Variants in ARNT2 observed in about 807,000 individuals in gnomAD.
ARNT2 encodes ARNT protein 2.
ARNT2 carries 36 observed loss-of-function variants against 91.7 expected under a neutral mutation model. The observed-to-expected ratio is 0.39, with a 90% CI of 0.30 to 0.52. The LOEUF is 0.52. ARNT2 is among the 20% of genes least tolerant of loss of function. The pLI, the probability that ARNT2 is intolerant of heterozygous loss-of-function variation, is 0.72. For synonymous variants in ARNT2, 365 were observed against 347.1 expected (o/e 1.05, Z -0.57); for missense variants, 775 against 939.3 (o/e 0.83, Z 2.29).
chr15:80,505,055 C>T (rs754611915), intron 5 of ARNT2, among the ~76,000 whole-genome samples: 37 of 152,160 alleles, frequency 2.4e-4, no homozygotes, highest in African/African-American at 5.3e-4. Flanking sequence ...AGGAGTGTGA[C>T]GCGATCATTT....
rs1457765420 is a variant in ARNT2, at chr15:80,515,153, A to C, written c.877+748A>C. Among the ~76,000 whole-genome samples the C allele has an allele frequency of 2.6e-5, 4 of 152,358 alleles. No individual in the cohort carries two copies. The East Asian group carries it at 7.7e-4, about 29-fold the overall frequency. ...TGTGGAGCAACTGGAATCCTCATAC[A>C]TTGCTGGTGGGAATATAAAATAGCA... On this transcript the variant is annotated intron_variant, in intron 8 of 18. Transcript: ENST00000303329.
chr15:80,477,683 T>A (rs1896827322), intron 5 of ARNT2, among the ~76,000 whole-genome samples: 1 of 152,188 alleles, frequency 6.6e-6, no homozygotes, highest in Admixed American at 6.5e-5. Flanking sequence ...GTCACTAAAT[T>A]AGGGCTCACC....
chr15:80,588,881 C>G (rs574873562), intron 17 of ARNT2, among the ~76,000 whole-genome samples: 1 of 152,170 alleles, frequency 6.6e-6, no homozygotes, highest in African/African-American at 2.4e-5. Flanking sequence ...CCTGTTTGCT[C>G]CCTTTCCCAA....
Position 80,580,564 on chromosome 15 carries a change from G to A in ARNT2, c.1752+15G>A. 1 of 1,613,564 alleles carries A rather than the reference G, an allele frequency of 6.2e-7. No homozygotes were observed. Among genetic ancestry groups the A allele is most frequent in the Non-Finnish European group, 8.5e-7 (1 of 1,180,006 alleles). On this transcript the variant is annotated intron_variant, in intron 16 of 18. Coordinates refer to ENST00000303329, the MANE Select transcript of ARNT2 (RefSeq NM_014862.4). ...TTCCGGGACAGGTATGGGCATCTGT[G>A]AGGGCATCTCCCCTGGGTGACCAGA...
At chr15:80,546,612 C>A (rs1378497445) in intron 8 of ARNT2, among the ~76,000 whole-genome samples, 1 of 152,168 alleles carries the variant, frequency 6.6e-6, no homozygotes, top group African/African-American at 2.4e-5. Context: ...AGATCTGGAA[C>A]TGCAAAGGAA....
At chr15:80,557,432 G>C (rs1898212318) in intron 11 of ARNT2, among the ~76,000 whole-genome samples, 1 of 152,156 alleles carries the variant, frequency 6.6e-6, no homozygotes, top group Non-Finnish European at 1.5e-5. Context: ...CACTGGGGTA[G>C]TAGCCCACTG....
intron 5 of ARNT2, among the ~76,000 whole-genome samples, chr15:80,507,569 C>T (rs771346573): frequency 5.9e-5 from 9 of 151,568 alleles, no homozygotes; most frequent in South Asian, 4.2e-4. Context: ...AGATATAGTA[C>T]GGTCATTGGC....
At chr15:80,469,846 T>A (rs1186567286) in intron 3 of ARNT2, among the ~76,000 whole-genome samples, 1 of 152,206 alleles carries the variant, frequency 6.6e-6, no homozygotes, top group Admixed American at 6.5e-5. Context: ...AACTTCTGGC[T>A]TTAAGTAATC....
intron 5 of ARNT2, among the ~76,000 whole-genome samples, chr15:80,490,076 G>A (rs141163990): frequency 3.3e-4 from 50 of 151,996 alleles, no homozygotes; most frequent in African/African-American, 4.4e-4. Context: ...TCAGGGATTC[G>A]TGCACACACT....
chr15:80,568,526 C>T (rs528718158), intron 12 of ARNT2, among the ~76,000 whole-genome samples: 6 of 152,190 alleles, frequency 3.9e-5, no homozygotes, highest in Admixed American at 6.5e-5. Context: ...CATCACGTCT[C>T]CTTCGTCATG....
intron 1 of ARNT2, among the ~76,000 whole-genome samples, chr15:80,431,483 A>G (rs1896009241): frequency 6.6e-6 from 1 of 152,124 alleles, no homozygotes. Context: ...GGTCCTGAAG[A>G]GGGCACAGAG....
chr15:80,519,020 T>C (rs569679123), intron 8 of ARNT2, among the ~76,000 whole-genome samples: 1 of 152,170 alleles, frequency 6.6e-6, no homozygotes, highest in Non-Finnish European at 1.5e-5. Context: ...TTTTGTACAT[T>C]TTAAAACACA....
At chr15:80,447,733 C>T (rs1896326838) in intron 1 of ARNT2, among the ~76,000 whole-genome samples, 1 of 152,160 alleles carries the variant, frequency 6.6e-6, no homozygotes, top group Non-Finnish European at 1.5e-5. Context: ...AGGAGAGAGA[C>T]TTGTTTTTTC....
chr15:80,556,030 A>C (rs1208173305), intron 11 of ARNT2: 1 of 151,708 alleles, frequency 6.6e-6, no homozygotes, highest in African/African-American at 2.4e-5. Context: ...TCACGCCTGT[A>C]ATCCCAGCAC....
intron 1 of ARNT2, chr15:80,445,093 G>A (rs1248671431): frequency 6.7e-6 from 1 of 149,618 alleles, no homozygotes; most frequent in Admixed American, 6.7e-5. Context: ...GTGTGTGAGT[G>A]TTGTGTATGT....
chr15:80,575,887 C>G (rs923523283), intron 14 of ARNT2, among the ~76,000 whole-genome samples: 1 of 152,220 alleles, frequency 6.6e-6, no homozygotes, highest in African/African-American at 2.4e-5. Flanking sequence ...CTTGAGCCCT[C>G]CCTCGCCGGC....
chr15:80,552,591 A>G, intron 9 of ARNT2, 49 bp from the exon 10 acceptor site: 2 of 1,596,430 alleles, frequency 1.3e-6, no homozygotes, highest in Admixed American at 3.4e-5. Flanking sequence ...CACCATCTCC[A>G]TCTCGTCTCT....
chr15:80,474,497 G>A (rs1184378019), intron 4 of ARNT2, among the ~76,000 whole-genome samples: 4 of 152,224 alleles, frequency 2.6e-5, no homozygotes, highest in African/African-American at 9.6e-5. Context: ...AATATGGAAA[G>A]AGAAAAGGAA....
intron 5 of ARNT2, among the ~76,000 whole-genome samples, chr15:80,492,826 T>A (rs1897076118): frequency 6.6e-6 from 1 of 152,226 alleles, no homozygotes; most frequent in Non-Finnish European, 1.5e-5. Flanking sequence ...ATCATGTTTT[T>A]CATCTAAAAG....
Sources: allele counts gnomAD v4.1 joint callset (sites outside exome capture counted in the v4.1 genomes callset), GRCh38; gene constraint gnomAD v4.1.1; transcripts MANE v1.5; gene names NCBI Gene and HGNC (gene_info 2026-07-23, HGNC 2026-07-21).